Variants in NTN1 observed in about 807,000 individuals in gnomAD.
NTN1 encodes the protein netrin-1.
Under a neutral mutation model 54.2 loss-of-function variants are expected in NTN1, and 11 were observed. The ratio of observed to expected loss-of-function variants is 0.20; its 90% confidence interval spans 0.13 to 0.34. The LOEUF (loss-of-function observed/expected upper bound fraction) is 0.34. NTN1 is among the 10% of genes least tolerant of loss of function. The probability of loss-of-function intolerance (pLI) is 1.00; values close to 1 mark genes in which losing one functional copy is unlikely to be tolerated. For synonymous variants in NTN1, 371 were observed against 382.0 expected (o/e 0.97, Z 0.33); for missense variants, 740 against 893.1 (o/e 0.83, Z 2.18).
At chr17:9,168,172 T>C (rs1217750717) in intron 3 of NTN1, among the ~76,000 whole-genome samples, 1 of 152,200 alleles carries the variant, frequency 6.6e-6, no homozygotes, top group Admixed American at 6.5e-5. Flanking sequence ...TGATCATCAA[T>C]GAATTTAAAT....
intron 5 of NTN1, among the ~76,000 whole-genome samples, chr17:9,189,758 A>G (rs1046983441): frequency 2.6e-5 from 4 of 152,226 alleles, no homozygotes; most frequent in African/African-American, 9.6e-5. Flanking sequence ...GGGTGACCTG[A>G]AACCAAAGAG....
intron 2 of NTN1, among the ~76,000 whole-genome samples, chr17:9,122,921 A>T (rs1281429401): frequency 6.6e-6 from 1 of 152,140 alleles, no homozygotes; most frequent in Non-Finnish European, 1.5e-5. Flanking sequence ...TGGGTGTACC[A>T]TGACTCCGTT....
At chr17:9,033,998 T>G (rs941309533) in intron 2 of NTN1, among the ~76,000 whole-genome samples, 1 of 151,748 alleles carries the variant, frequency 6.6e-6, no homozygotes, top group Non-Finnish European at 1.5e-5. Context: ...GAGCACAACA[T>G]TCTATCTACT....
chr17:9,094,043 G>C (rs1013183721), intron 2 of NTN1, among the ~76,000 whole-genome samples: 3 of 152,144 alleles, frequency 2.0e-5, no homozygotes, highest in Non-Finnish European at 4.4e-5. Flanking sequence ...GAAACTTCTA[G>C]TATACATACT....
At chr17:9,184,571 C>T (rs1424620048) in intron 5 of NTN1, among the ~76,000 whole-genome samples, 1 of 152,222 alleles carries the variant, frequency 6.6e-6, no homozygotes, top group Non-Finnish European at 1.5e-5. Context: ...GCTGTGCACA[C>T]CGCGGGGGGC....
Position 9,165,716 on chromosome 17 carries a change from GAAGA to G in NTN1, c.1207+2720_1207+2723del, listed in dbSNP as rs2092371353. On this transcript the variant is annotated intron_variant, in intron 3 of 6. Coordinates refer to ENST00000173229, the MANE Select transcript of NTN1 (RefSeq NM_004822.3). This position sits in a 1 kb window ranked among gnomAD's most constrained non-coding sequence, Gnocchi z 4.5. ...TCAAGGAAACTGCCATCAGATTGGT[GAAGA>G]AAGACAGTGCTTCAAGGAACTTGTC... Among the ~76,000 whole-genome samples the G allele has an allele frequency of 1.3e-5, 2 of 152,228 alleles. No individual in the cohort carries two copies. Among genetic ancestry groups the G allele is most frequent in the South Asian group, 4.1e-4 (2 of 4,828 alleles).
the NTN1 span, among the ~76,000 whole-genome samples, chr17:9,010,471 C>T: frequency 1.3e-5 from 2 of 152,182 alleles, no homozygotes; most frequent in African/African-American, 4.8e-5. Flanking sequence ...TGGTCACTTC[C>T]CGTAAGAAGA....
chr17:9,140,267 C>T (rs1040589022), intron 2 of NTN1, among the ~76,000 whole-genome samples: 11 of 152,110 alleles, frequency 7.2e-5, no homozygotes, highest in African/African-American at 2.2e-4. Context: ...AGGACTGTGG[C>T]GCAGAGCAGG....
intron 2 of NTN1, among the ~76,000 whole-genome samples, chr17:9,084,130 C>CAG (rs1220293019): frequency 1.3e-5 from 2 of 152,176 alleles, no homozygotes; most frequent in East Asian, 3.8e-4. Flanking sequence ...GTTAACTTTT[C>CAG]AGAAGCACGT....
intron 2 of NTN1, among the ~76,000 whole-genome samples, chr17:9,066,013 G>A (rs1478890291): frequency 1.3e-5 from 2 of 152,192 alleles, no homozygotes; most frequent in Non-Finnish European, 2.9e-5. Flanking sequence ...AATATGTGTA[G>A]AGGAAAGCAG....
chr17:9,058,297 C>T (rs1304205892), intron 2 of NTN1, among the ~76,000 whole-genome samples: 1 of 152,180 alleles, frequency 6.6e-6, no homozygotes, highest in Non-Finnish European at 1.5e-5. Context: ...TCATCTGAAT[C>T]ATTTTTGAAT....
chr17:9,100,986 A>G (rs2092148770), intron 2 of NTN1, among the ~76,000 whole-genome samples: 1 of 152,166 alleles, frequency 6.6e-6, no homozygotes, highest in African/African-American at 2.4e-5. Context: ...TCCTGCCTGT[A>G]GTTCAGAGTA....
At chr17:9,233,000 C>T (rs112126500) in intron 6 of NTN1, among the ~76,000 whole-genome samples, 5 of 152,148 alleles carry the variant, frequency 3.3e-5, no homozygotes, top group African/African-American at 7.2e-5. Flanking sequence ...TTGTCCTGGC[C>T]GCTGTCTCCG....
chr17:9,144,312 A>G (rs925704335), intron 2 of NTN1, among the ~76,000 whole-genome samples: 9 of 152,046 alleles, frequency 5.9e-5, no homozygotes, highest in Non-Finnish European at 1.0e-4. Flanking sequence ...ACCTGCTGTC[A>G]GGAGTGATCA....
chr17:9,164,079 T>A (rs575144318), intron 3 of NTN1, among the ~76,000 whole-genome samples: 1 of 152,370 alleles, frequency 6.6e-6, no homozygotes, highest in African/African-American at 2.4e-5. Context: ...AAGTATCATC[T>A]TCTTAACAGG....
chr17:9,037,619 G>T (rs952983373), intron 2 of NTN1, among the ~76,000 whole-genome samples: 1 of 152,070 alleles, frequency 6.6e-6, no homozygotes, highest in African/African-American at 2.4e-5. Flanking sequence ...CAGGCCTGGG[G>T]TTTATTTTTC....
upstream of NTN1, among the ~76,000 whole-genome samples, chr17:9,019,668 A>G (rs1794340826): frequency 6.6e-6 from 1 of 152,246 alleles, no homozygotes; most frequent in African/African-American, 2.4e-5. Flanking sequence ...AAACCAAGGC[A>G]TAGACTTTCC....
At chr17:9,026,395 G>GT (rs1555562106) in intron 2 of NTN1, among the ~76,000 whole-genome samples, 1 of 148,716 alleles carries the variant, frequency 6.7e-6, no homozygotes, top group African/African-American at 2.5e-5. Flanking sequence ...TTCTTCCGGG[G>GT]GGGGGGAACA....
intron 2 of NTN1, among the ~76,000 whole-genome samples, chr17:9,103,612 C>T (rs963674172): frequency 6.6e-6 from 1 of 152,056 alleles, no homozygotes; most frequent in African/African-American, 2.4e-5. Flanking sequence ...GTCAATTAAG[C>T]GTCTTTCCTT....
Sources: allele counts gnomAD v4.1 joint callset (sites outside exome capture counted in the v4.1 genomes callset), GRCh38; gene constraint gnomAD v4.1.1; non-coding constraint Gnocchi (gnomAD v3.1); transcripts MANE v1.5; gene names NCBI Gene and HGNC (gene_info 2026-07-23, HGNC 2026-07-21).